The following ZNF536 variants were observed in gnomAD, a reference collection of about 807,000 sequenced individuals.
ZNF536 encodes the protein zinc finger protein 536.
In ZNF536, 13 loss-of-function variants were observed where a neutral mutation model predicts 84.5. The ratio of observed to expected loss-of-function variants is 0.15; its 90% confidence interval spans 0.10 to 0.24. ZNF536 has a LOEUF of 0.24. Ranked by LOEUF, ZNF536 falls within the 10% of genes least tolerant of loss-of-function variation. The pLI, the probability that ZNF536 is intolerant of heterozygous loss-of-function variation, is 1.00. For missense variants in ZNF536, 1,536 were observed against 1,747.5 expected (o/e 0.88, Z 2.16); for synonymous variants, 811 against 742.5 (o/e 1.09, Z -1.50).
chr19:30,647,092 T>A (rs756984081), intron 1 of ZNF536, among the ~76,000 whole-genome samples: 3 of 152,038 alleles, frequency 2.0e-5, no homozygotes, highest in Non-Finnish European at 4.4e-5. Context: ...ATTATACCCC[T>A]GGTTTCCCTC....
chr19:30,311,715 TG>T (rs2146099471), intron 2 of ZNF536, among the ~76,000 whole-genome samples: 1 of 152,244 alleles, frequency 6.6e-6, no homozygotes, highest in African/African-American at 2.4e-5. Flanking sequence ...TGTGAGATCA[TG>T]GGTTGAAGGT....
chr19:30,405,199 A>T (rs6510158), intron 1 of ZNF536, among the ~76,000 whole-genome samples: 71,262 of 151,972 alleles, frequency 0.47, 19,653 homozygotes, highest in Non-Finnish European at 0.61. Context: ...ATAGGGTGAG[A>T]CCCTCTTTGG....
At chr19:30,467,076 T>C (rs2053444560) in intron 2 of ZNF536, among the ~76,000 whole-genome samples, 1 of 152,192 alleles carries the variant, frequency 6.6e-6, no homozygotes, top group African/African-American at 2.4e-5. Flanking sequence ...CCTGACCTCG[T>C]GATCCTCCGC....
chr19:30,693,653 T>C (rs1287530115), intron 1 of ZNF536, among the ~76,000 whole-genome samples: 2 of 152,196 alleles, frequency 1.3e-5, no homozygotes, highest in East Asian at 3.9e-4. Flanking sequence ...CACGTGACAT[T>C]AGTGGCGCTC....
intron 1 of ZNF536, among the ~76,000 whole-genome samples, chr19:30,597,185 A>G (rs912286603): frequency 2.0e-5 from 3 of 152,190 alleles, no homozygotes; most frequent in African/African-American, 7.2e-5. Context: ...GGTTCCCCCA[A>G]CTTCTGTGGG....
At chr19:30,371,824 ATATG>A (rs1311318353), upstream of ZNF536, among the ~76,000 whole-genome samples, 1 of 151,502 alleles carries the variant, frequency 6.6e-6, no homozygotes, top group Non-Finnish European at 1.5e-5. Context: ...ATATGCATAT[ATATG>A]TGTGTGTGTA....
In ZNF536 at chr19:30,548,376, A is replaced by G. The variant is rs2045637651; in HGVS notation, c.2757A>G (p.Gln919=). 6.2e-7 allele frequency: 1 copy of G among 1,614,036 alleles called. No homozygotes were observed. The highest frequency in any genetic ancestry group is 8.5e-7 in the Non-Finnish European group (1 of 1,179,992). Residue 919 remains glutamine, a synonymous_variant, in exon 4 of 5, where the codon CAA becomes CAG. Coordinates refer to ENST00000355537, the MANE Select transcript of ZNF536 (RefSeq NM_014717.3). ...SNGVNFQGSL[Q]AFMDSFVLSS... ...GTGTGAATTTCCAAGGGTCCTTGCAAGCTTTCATGGACAGTTTTGTCCTCA... is the reference window on the plus strand; with the variant it reads ...GTGTGAATTTCCAAGGGTCCTTGCAGGCTTTCATGGACAGTTTTGTCCTCA...
intron 1 of ZNF536, among the ~76,000 whole-genome samples, chr19:30,657,326 T>G (rs61296945): frequency 0.02 from 3,096 of 152,246 alleles, 105 homozygotes; most frequent in African/African-American, 0.071. Flanking sequence ...CTACCTCAAA[T>G]AGTTAATCAC....
intron 1 of ZNF536, among the ~76,000 whole-genome samples, chr19:30,617,489 G>C (rs545721097): frequency 6.6e-6 from 1 of 151,014 alleles, no homozygotes; most frequent in Non-Finnish European, 1.5e-5. Context: ...TAACTGGGAC[G>C]ACAGGCGCCT....
At position 30,392,313 on chromosome 19, in the gene ZNF536, T is replaced by C. The variant is rs563848131; in HGVS notation, c.-3+19757T>C. ...GGGACAGAAAGATTGTGCGGTTGAA[T>C]CTAAAATATGAAGGGAGGTTAGGAG... On this transcript the variant is annotated intron_variant, in intron 1 of 4. Coordinates refer to ENST00000355537, the MANE Select transcript of ZNF536 (RefSeq NM_014717.3). 1.4e-4 allele frequency among the ~76,000 whole-genome samples: 22 copies of C among 152,224 alleles called. No individual in the cohort carries two copies. The East Asian group carries it at 4.3e-3, about 29-fold the overall frequency.
chr19:30,530,396 G>T (rs1192900460), intron 2 of ZNF536, among the ~76,000 whole-genome samples: 1 of 151,970 alleles, frequency 6.6e-6, no homozygotes, highest in Non-Finnish European at 1.5e-5. Context: ...GCCCAGGCTG[G>T]AGTGCAGCAG....
At chr19:30,656,127 G>A (rs1384638613) in intron 1 of ZNF536, among the ~76,000 whole-genome samples, 1 of 152,148 alleles carries the variant, frequency 6.6e-6, no homozygotes, top group Admixed American at 6.5e-5. Context: ...TGCTTCTGCA[G>A]CAAGATGGAG....
chr19:30,514,215 T>C (rs1369210488), intron 2 of ZNF536, among the ~76,000 whole-genome samples: 1 of 152,176 alleles, frequency 6.6e-6, no homozygotes, highest in African/African-American at 2.4e-5. Flanking sequence ...CCATAGATTA[T>C]TCAATTGAAG....
chr19:30,644,503 C>T lies in ZNF536; in HGVS notation c.170-66254C>T, dbSNP rs185085955. Among the ~76,000 whole-genome samples the T allele has an allele frequency of 2.4e-4, 37 of 152,224 alleles. No individual in the cohort carries two copies. The East Asian group carries it at 7.1e-3, about 29-fold the overall frequency. ...TTAGCATTAGGTATATCTCCAAATG[C>T]TATCCCTCCCCCATCCTCCCACCCC... On this transcript the variant is annotated intron_variant, in intron 1 of 1. Transcript: ENST00000592773.
chr19:30,275,783 A>G lies in ZNF536; in HGVS notation c.-189-8289A>G, dbSNP rs536762437. On this transcript the variant is annotated intron_variant, in intron 1 of 5. Transcript: ENST00000585628. ...TTGGTAAATGCTAGTTTTCATTCTTATTGAATTCAAGAATGGTCAGTCAAT... is the reference window on the plus strand; with the variant it reads ...TTGGTAAATGCTAGTTTTCATTCTTGTTGAATTCAAGAATGGTCAGTCAAT... Among the ~76,000 whole-genome samples the G allele has an allele frequency of 3.9e-5, 6 of 152,212 alleles. No homozygotes were observed. In the South Asian group the frequency reaches 1.2e-3, roughly 32 times the overall value.
At chr19:30,640,026 C>A (rs1038838229) in intron 1 of ZNF536, among the ~76,000 whole-genome samples, 1 of 152,196 alleles carries the variant, frequency 6.6e-6, no homozygotes, top group Non-Finnish European at 1.5e-5. Flanking sequence ...GGGCAGATCA[C>A]CTGAGGTCAG....
intron 1 of ZNF536, among the ~76,000 whole-genome samples, chr19:30,645,087 G>A (rs1328479986): frequency 6.6e-6 from 1 of 152,170 alleles, no homozygotes; most frequent in East Asian, 1.9e-4. Context: ...GTATCTCATT[G>A]TGGTTTTGAT....
upstream of ZNF536, among the ~76,000 whole-genome samples, chr19:30,226,851 C>T (rs146020237): frequency 3.7e-3 from 559 of 151,960 alleles, 3 homozygotes; most frequent in African/African-American, 0.013. This position sits in a 1 kb window ranked among gnomAD's most constrained non-coding sequence, Gnocchi z 4.6. Flanking sequence ...CGCCTCCCGT[C>T]CCCCCAGCGC....
At chr19:30,449,997 C>T (rs2052523808) in intron 2 of ZNF536, among the ~76,000 whole-genome samples, 1 of 149,562 alleles carries the variant, frequency 6.7e-6, no homozygotes, top group African/African-American at 2.5e-5. Context: ...GCTCCACACA[C>T]AAACAAATCC....
Sources: gnomAD v4.1 joint callset for allele counts (sites outside exome capture counted in the v4.1 genomes callset) on GRCh38, gnomAD v4.1.1 for gene constraint, Gnocchi (gnomAD v3.1) non-coding constraint, MANE v1.5 for transcripts, NCBI Gene and HGNC (gene_info 2026-07-23, HGNC 2026-07-21) for gene names.